The following CCBE1 variants were observed in gnomAD, a reference collection of about 807,000 sequenced individuals.
CCBE1 encodes the protein collagen and calcium-binding EGF domain-containing protein 1.
A neutral mutation model predicts 50.0 loss-of-function variants in CCBE1; 37 were observed. The observed-to-expected ratio is 0.74, with a 90% CI of 0.57 to 0.97. The LOEUF is 0.97. CCBE1 is among the 50% of genes least tolerant of loss of function. The pLI, the probability that CCBE1 is intolerant of heterozygous loss-of-function variation, is 0.00. For missense variants in CCBE1, 538 were observed against 523.8 expected (o/e 1.03, Z -0.26); for synonymous variants, 234 against 203.7 (o/e 1.15, Z -1.27).
chr18:59,607,755 A>G (rs560577462), intron 2 of CCBE1, among the ~76,000 whole-genome samples: 19 of 152,270 alleles, frequency 1.2e-4, no homozygotes, highest in African/African-American at 3.8e-4. Flanking sequence ...TTCAAACCCC[A>G]GGTTCTGGAT....
Sources: gnomAD v4.1 joint callset for allele counts (sites outside exome capture counted in the v4.1 genomes callset) on GRCh38, gnomAD v4.1.1 for gene constraint, MANE v1.5 for transcripts, NCBI Gene and HGNC (gene_info 2026-07-23, HGNC 2026-07-21) for gene names.